GTF2E2: variants seen among roughly 807,000 people sequenced by gnomAD.
The protein encoded by GTF2E2 is general transcription factor IIE subunit 2.
A neutral mutation model predicts 40.5 loss-of-function variants in GTF2E2; 21 were observed. The ratio of observed to expected loss-of-function variants is 0.52; its 90% CI spans 0.37 to 0.75. The LOEUF is 0.75. GTF2E2 is among the 30% of genes least tolerant of loss of function. The probability of loss-of-function intolerance (pLI) is 0.00; values close to 1 mark genes in which losing one functional copy is unlikely to be tolerated. For synonymous variants in GTF2E2, 117 were observed against 121.6 expected, an observed-to-expected ratio of 0.96 and a Z score of 0.25; for missense variants, 298 against 338.4, an observed-to-expected ratio of 0.88 and a Z score of 0.94.
At chr8:30,600,859 C>G (rs750747234) in intron 6 of GTF2E2, among the ~76,000 whole-genome samples, 2 of 152,230 alleles carry the variant, frequency 1.3e-5, no homozygotes, top group Admixed American at 6.5e-5. Flanking sequence ...CTATTACAGA[C>G]AGAACCCTCT....
At chr8:30,637,707 G>C (rs1216074421) in intron 2 of GTF2E2, among the ~76,000 whole-genome samples, 2 of 152,142 alleles carry the variant, frequency 1.3e-5, no homozygotes, top group Non-Finnish European at 2.9e-5. Flanking sequence ...TACTTTAGTA[G>C]AGATGGGGTT....
At chr8:30,595,985 C>T (rs549133060) in intron 6 of GTF2E2, among the ~76,000 whole-genome samples, 15 of 152,330 alleles carry the variant, frequency 9.8e-5, no homozygotes, top group South Asian at 2.1e-4. Flanking sequence ...CATTATCTTT[C>T]GGTCTGCATG....
chr8:30,609,807 T>A (rs1424468674), intron 5 of GTF2E2, among the ~76,000 whole-genome samples: 2 of 152,296 alleles, frequency 1.3e-5, no homozygotes, highest in East Asian at 1.9e-4. Context: ...GTTCTCCTGA[T>A]AATGAGTTCT....
intron 6 of GTF2E2, among the ~76,000 whole-genome samples, chr8:30,592,251 C>A (rs1026193632): frequency 6.6e-6 from 1 of 152,136 alleles, no homozygotes; most frequent in Non-Finnish European, 1.5e-5. Context: ...TGGTGACACA[C>A]ACCTGTAGTC....
chr8:30,652,046 T>C (rs572291485), intron 2 of GTF2E2, among the ~76,000 whole-genome samples: 70 of 152,324 alleles, frequency 4.6e-4, no homozygotes, highest in Middle Eastern at 3.4e-3. Context: ...TTGACTCTTA[T>C]GCTAATCCAT....
intron 6 of GTF2E2, among the ~76,000 whole-genome samples, chr8:30,600,651 C>G (rs1477544828): frequency 6.6e-6 from 1 of 152,086 alleles, no homozygotes; most frequent in Non-Finnish European, 1.5e-5. Context: ...AATCTAACTC[C>G]TCAGCACCAG....
At chr8:30,587,245 T>C (rs1828708961) in intron 6 of GTF2E2, among the ~76,000 whole-genome samples, 1 of 151,824 alleles carries the variant, frequency 6.6e-6, no homozygotes, top group African/African-American at 2.4e-5. Flanking sequence ...ACCTCGTCTC[T>C]ACAAAAAATG....
chr8:30,581,708 T>C (rs1828518856), intron 6 of GTF2E2, among the ~76,000 whole-genome samples: 1 of 152,256 alleles, frequency 6.6e-6, no homozygotes, highest in African/African-American at 2.4e-5. Flanking sequence ...GCACACATTA[T>C]GGACATGACC....
At chr8:30,621,636 CTT>C (rs764131409) in intron 3 of GTF2E2, among the ~76,000 whole-genome samples, 7 of 152,088 alleles carry the variant, frequency 4.6e-5, no homozygotes, top group Non-Finnish European at 7.3e-5. Flanking sequence ...CTTTGTTTCA[CTT>C]TCTTATTTTT....
At chr8:30,603,496 G>A (rs559389973) in intron 6 of GTF2E2, among the ~76,000 whole-genome samples, 3 of 152,142 alleles carry the variant, frequency 2.0e-5, no homozygotes, top group East Asian at 3.9e-4. Flanking sequence ...ACAGTCAGAT[G>A]GGAATAAAGC....
At position 30,613,890 on chromosome 8, in the gene GTF2E2, T is replaced by C. The variant is rs558683053; in HGVS notation, c.366+718A>G. ...AGCATGGTCACTGACTGCGTTGGGG[T>C]TTCTTCAAATGATGTGTGTTCATAC... On this transcript the variant is annotated intron_variant, in intron 4 of 7. Coordinates refer to ENST00000355904, the MANE Select transcript of GTF2E2 (RefSeq NM_002095.6). Among the ~76,000 whole-genome samples, 11 of 152,344 alleles carry C rather than the reference T, an allele frequency of 7.2e-5. No individual in the cohort carries two copies. The East Asian group carries it at 1.4e-3, about 19-fold the overall frequency.
chr8:30,651,369 T>C (rs1563512416), intron 2 of GTF2E2, among the ~76,000 whole-genome samples: 1 of 151,214 alleles, frequency 6.6e-6, no homozygotes, highest in African/African-American at 2.4e-5. Context: ...ATCAATGTAT[T>C]AAAAAAAACT....
At chr8:30,652,016 A>C (rs1334541062) in intron 2 of GTF2E2, among the ~76,000 whole-genome samples, 1 of 152,216 alleles carries the variant, frequency 6.6e-6, no homozygotes, top group East Asian at 1.9e-4. Flanking sequence ...ACTTCATAAG[A>C]ACACGCAAAA....
intron 6 of GTF2E2, among the ~76,000 whole-genome samples, chr8:30,592,874 C>A (rs1366166905): frequency 1.3e-5 from 2 of 152,164 alleles, no homozygotes; most frequent in Non-Finnish European, 2.9e-5. Context: ...AGAATACCAT[C>A]CATCTTGGTG....
chr8:30,581,269 C>T (rs1828509093), intron 6 of GTF2E2, among the ~76,000 whole-genome samples: 1 of 152,198 alleles, frequency 6.6e-6, no homozygotes. Flanking sequence ...GATGCACCTT[C>T]CCTTCCTTTC....
chr8:30,639,872 G>T (rs1229970700), intron 2 of GTF2E2, among the ~76,000 whole-genome samples: 1 of 151,322 alleles, frequency 6.6e-6, no homozygotes, highest in African/African-American at 2.4e-5. Flanking sequence ...TAAGATACTA[G>T]ATCTGTCCAG....
At chr8:30,654,932 T>C (rs184188690) in intron 1 of GTF2E2, among the ~76,000 whole-genome samples, 26 of 152,324 alleles carry the variant, frequency 1.7e-4, no homozygotes, top group Non-Finnish European at 3.2e-4. Context: ...TGAATTATTA[T>C]ACTATTTGTT....
intron 3 of GTF2E2, among the ~76,000 whole-genome samples, 179 bp from the exon 4 acceptor site, chr8:30,614,894 A>G (rs925483287): frequency 5.9e-5 from 9 of 152,210 alleles, no homozygotes; most frequent in Admixed American, 5.9e-4. Context: ...TCATTGCTCT[A>G]TAAAATCAAA....
At chr8:30,622,878 C>CT (rs1336536921) in intron 3 of GTF2E2, among the ~76,000 whole-genome samples, 5 of 152,088 alleles carry the variant, frequency 3.3e-5, no homozygotes, top group Non-Finnish European at 7.3e-5. Context: ...CTGAACATTG[C>CT]TGTTACCCTG....
Sources: allele counts gnomAD v4.1 joint callset (sites outside exome capture counted in the v4.1 genomes callset), GRCh38; gene constraint gnomAD v4.1.1; transcripts MANE v1.5; gene names NCBI Gene and HGNC (gene_info 2026-07-23, HGNC 2026-07-21).